Variants in GALNT9 observed in about 807,000 individuals in gnomAD.
GALNT9 encodes polypeptide N-acetylgalactosaminyltransferase 9, also known as GalNAc transferase 9.
Under a neutral mutation model 63.1 loss-of-function variants are expected in GALNT9, and 47 were observed. The ratio of observed to expected loss-of-function variants is 0.75; its 90% CI spans 0.59 to 0.95. GALNT9 has a LOEUF of 0.95. Among genes scored for constraint, GALNT9 ranks in the 40% least tolerant of loss-of-function variants. The pLI is 0.00. For missense variants in GALNT9, 829 were observed against 874.8 expected, an observed-to-expected ratio of 0.95 and a Z score of 0.66; for synonymous variants, 396 against 365.7, an observed-to-expected ratio of 1.08 and a Z score of -0.94.
chr12:132,274,909 C>T (rs1270958150), intron 2 of GALNT9: 3 of 152,526 alleles, frequency 2.0e-5, no homozygotes, highest in Admixed American at 1.3e-4. Flanking sequence ...ACCACACACA[C>T]GCACACACGT....
At chr12:132,306,019 G>A (rs1313770928) in intron 1 of GALNT9, among the ~76,000 whole-genome samples, 7 of 152,124 alleles carry the variant, frequency 4.6e-5, no homozygotes, top group East Asian at 1.9e-4. Flanking sequence ...GGGGGCTCAT[G>A]GCGGGGCCCA....
intron 4 of GALNT9, among the ~76,000 whole-genome samples, chr12:132,259,011 G>A (rs985477616): frequency 1.1e-4 from 16 of 152,224 alleles, no homozygotes; most frequent in Admixed American, 5.2e-4. Flanking sequence ...GAGACCACAC[G>A]GCTGTCTTCA....
Position 132,197,095 on chromosome 12 carries a change from G to A in GALNT9, c.*12C>T. The A allele has an allele frequency of 6.2e-7, 1 of 1,613,608 alleles. No individual in the cohort carries two copies. The highest frequency in any genetic ancestry group is 8.5e-7 in the Non-Finnish European group (1 of 1,179,668). On this transcript the variant is annotated 3_prime_UTR_variant, in exon 11 of 11. Transcript: ENST00000328957. Reference sequence around the variant, plus strand: ...CTTCCCGAGGTCTGTGGGGGTCCGGGCGGAGGTGGGGTCAGTGCCGTGCGT... The same window carrying A: ...CTTCCCGAGGTCTGTGGGGGTCCGGACGGAGGTGGGGTCAGTGCCGTGCGT...
chr12:132,245,022 A>G lies in GALNT9; in HGVS notation c.1077+2888T>C, dbSNP rs1055439081. On this transcript the variant is annotated intron_variant, in intron 6 of 10. Transcript: ENST00000328957. This position sits in a 1 kb window ranked among gnomAD's most constrained non-coding sequence, Gnocchi z 6.3. ...GGGAGAGGTGGCAGGGAGGGCAGGG[A>G]GGTCAGGGAGTGGAGTAAACGCTGG... Among the ~76,000 whole-genome samples the G allele has an allele frequency of 6.6e-6, 1 of 151,720 alleles. No individual in the cohort carries two copies. Among genetic ancestry groups the G allele is most frequent in the Non-Finnish European group, 1.5e-5 (1 of 67,866 alleles).
intron 2 of GALNT9, among the ~76,000 whole-genome samples, chr12:132,268,801 A>G (rs1393073006): frequency 1.3e-5 from 2 of 152,118 alleles, no homozygotes; most frequent in Admixed American, 1.3e-4. Flanking sequence ...GGCGGCCATC[A>G]GGGAGCTGCC....
chr12:132,305,811 C>T (rs1195883159), intron 1 of GALNT9, among the ~76,000 whole-genome samples: 2 of 152,212 alleles, frequency 1.3e-5, no homozygotes, highest in African/African-American at 2.4e-5. Context: ...GAGCGCGGCC[C>T]GAGTGCAGAT....
chr12:132,296,568 C>T lies in GALNT9; in HGVS notation c.239-10138G>A, dbSNP rs28639903. 0.034 allele frequency among the ~76,000 whole-genome samples: 5,171 copies of T among 152,294 alleles called. 144 individuals are homozygous for T. Among genetic ancestry groups the T allele is most frequent in the East Asian group, 0.13 (675 of 5,188 alleles). ...AATGGGAAATTTGCATCTATTAGCTCAGCCTTTGAAAGGTCTGTCCCACAA... is the reference window on the plus strand; with the variant it reads ...AATGGGAAATTTGCATCTATTAGCTTAGCCTTTGAAAGGTCTGTCCCACAA... On this transcript the variant is annotated intron_variant, in intron 1 of 10. Coordinates refer to ENST00000328957, the MANE Select transcript of GALNT9 (RefSeq NM_001122636.2). The surrounding 1 kb of genome is among the most constrained non-coding windows in gnomAD (Gnocchi z 4.2).
At chr12:132,311,867 TC>T (rs1229340791) in intron 1 of GALNT9, among the ~76,000 whole-genome samples, 1 of 152,158 alleles carries the variant, frequency 6.6e-6, no homozygotes, top group Non-Finnish European at 1.5e-5. Context: ...AGGCAGAGTG[TC>T]CCACCAGCTC....
intron 1 of GALNT9, among the ~76,000 whole-genome samples, chr12:132,321,118 C>T (rs1196847208): frequency 2.6e-5 from 4 of 152,166 alleles, no homozygotes; most frequent in East Asian, 1.9e-4. Flanking sequence ...ACCCAGGGGG[C>T]GGCCCCGCCA....
At chr12:132,302,701 G>A (rs1289030093) in intron 1 of GALNT9, among the ~76,000 whole-genome samples, 3 of 152,238 alleles carry the variant, frequency 2.0e-5, no homozygotes, top group Non-Finnish European at 2.9e-5. Context: ...GTCAGAGGCA[G>A]GGGCAGGATC....
rs1221084363 is a variant in GALNT9 at position 132,211,156 on chromosome 12, T to C, written c.1078-7466A>G. Reference sequence around the variant, plus strand: ...TTTTGCCTCATCCGCCACATTCACCTGACTTCTCGCCAACCAACTACCGCT... The same window carrying C: ...TTTTGCCTCATCCGCCACATTCACCCGACTTCTCGCCAACCAACTACCGCT... On this transcript the variant is annotated intron_variant, in intron 6 of 10. Transcript: ENST00000328957. 2.0e-5 allele frequency among the ~76,000 whole-genome samples: 3 copies of C among 152,290 alleles called. No homozygotes were observed. In the East Asian group the frequency reaches 5.8e-4, roughly 29 times the overall value.
intron 1 of GALNT9, among the ~76,000 whole-genome samples, chr12:132,326,937 G>A (rs924455953): frequency 1.3e-5 from 2 of 152,212 alleles, no homozygotes; most frequent in Non-Finnish European, 2.9e-5. Flanking sequence ...GGGCCCCACC[G>A]GGGGTGAGAG....
chr12:132,291,230 C>A (rs1880817448), intron 1 of GALNT9, among the ~76,000 whole-genome samples: 1 of 40,692 alleles, frequency 2.5e-5, no homozygotes. Context: ...TCCACAGCGC[C>A]CACGTCCACA....
In GALNT9 at chr12:132,261,150, T is replaced by C. The variant is rs1441737152; in HGVS notation, c.587-28A>G. The stretch of plus-strand genomic sequence containing the variant: ...GAGGAGAGACAAGACTTTAGCACGC[T>C]GGCAGGTGCTGGCAGGCGCGGGGCC... On this transcript the variant is annotated intron_variant, in intron 3 of 10. Transcript: ENST00000328957. The C allele has an allele frequency of 5.8e-6, 9 of 1,543,104 alleles. No homozygotes were observed. In the African/African-American group the frequency reaches 1.1e-4, roughly 19 times the overall value.
chr12:132,206,732 C>T (rs2135510473), intron 6 of GALNT9, among the ~76,000 whole-genome samples: 1 of 151,940 alleles, frequency 6.6e-6, no homozygotes, highest in Middle Eastern at 3.5e-3. Context: ...CTGACCGTGA[C>T]CCAGCCGGCA....
chr12:132,197,224 G>T lies in GALNT9; in HGVS notation c.1695C>A (p.Gly565=). The T allele has an allele frequency of 6.2e-7, 1 of 1,613,316 alleles. No individual in the cohort carries two copies. Among genetic ancestry groups the T allele is most frequent in the Non-Finnish European group, 8.5e-7 (1 of 1,180,000 alleles). The change falls in exon 11 of 11, where the codon GGC becomes GGA. Residue 565 remains glycine (G), a synonymous_variant. Transcript: ENST00000328957. ...TGGACATCTCCACCTCCAGGCAGCG[G>T]CCCGTGGCCCGGCTCACAATGGGGC... The part of the protein sequence containing the change: ...QSGPIVSRAT[G]RCLEVEMSKD...
chr12:132,200,151 G>A (rs1048744219), intron 8 of GALNT9, among the ~76,000 whole-genome samples: 5 of 152,218 alleles, frequency 3.3e-5, no homozygotes, highest in African/African-American at 9.6e-5. Flanking sequence ...TGGAGTCAGC[G>A]CAGGGTGGAC....
intron 4 of GALNT9, 23 bp from the exon 5 acceptor site, chr12:132,257,909 A>G: frequency 6.8e-7 from 1 of 1,476,974 alleles, no homozygotes; most frequent in South Asian, 1.2e-5. Context: ...AGCTGTGAGG[A>G]GGGGCGGCCC....
rs576383888 is a variant in GALNT9, at chr12:132,270,844, A to C, written c.420-8219T>G. Among the ~76,000 whole-genome samples the C allele has an allele frequency of 3.9e-5, 6 of 152,096 alleles. No homozygotes were observed. In the South Asian group the frequency reaches 1.2e-3, roughly 32 times the overall value. The stretch of plus-strand genomic sequence containing the variant: ...AAGAGCGGGAGAAAAGATAAGAGGC[A>C]GATGACGGTCAGTCATTGCCACACA... On this transcript the variant is annotated intron_variant, in intron 2 of 10. Coordinates refer to ENST00000328957, the MANE Select transcript of GALNT9 (RefSeq NM_001122636.2).
Sources: gnomAD v4.1 joint callset for allele counts (sites outside exome capture counted in the v4.1 genomes callset) on GRCh38, gnomAD v4.1.1 for gene constraint, Gnocchi (gnomAD v3.1) non-coding constraint, MANE v1.5 for transcripts, NCBI Gene and HGNC (gene_info 2026-07-23, HGNC 2026-07-21) for gene names.